ZNF385D: variants seen among roughly 807,000 people sequenced by gnomAD.
ZNF385D encodes the protein zinc finger protein 385D, also known as zinc finger protein 659.
A neutral mutation model predicts 35.8 loss-of-function variants in ZNF385D; 15 were observed. That is an observed-to-expected ratio of 0.42 (90% CI 0.28 to 0.64). The LOEUF is 0.64. Among genes scored for constraint, ZNF385D ranks in the 30% least tolerant of loss-of-function variants. The pLI is 0.23. For missense variants in ZNF385D, 474 were observed against 494.6 expected (o/e 0.96, Z 0.39); for synonymous variants, 212 against 186.8 (o/e 1.13, Z -1.10).
At chr3:21,823,969 CTATT>C (rs1359516308) in intron 3 of ZNF385D, among the ~76,000 whole-genome samples, 1 of 152,138 alleles carries the variant, frequency 6.6e-6, no homozygotes, top group African/African-American at 2.4e-5. Flanking sequence ...AATTATTACA[CTATT>C]TAATGATGCA....
intron 3 of ZNF385D, among the ~76,000 whole-genome samples, chr3:21,787,944 C>CAAAAAAAAAAAAAAA (rs560982379): frequency 6.9e-4 from 52 of 75,380 alleles, no homozygotes; most frequent in East Asian, 1.1e-3. Flanking sequence ...TTCGTCTCAA[C>CAAAAAAAAAAAAAAA]AAAAAAAAAA....
chr3:21,656,854 C>CT (rs1220290214), intron 2 of ZNF385D, among the ~76,000 whole-genome samples: 3 of 151,796 alleles, frequency 2.0e-5, no homozygotes, highest in South Asian at 2.1e-4. Context: ...ATGTCTATGT[C>CT]TAAGTGTGGA....
chr3:22,107,918 G>C (rs561250937), intron 3 of ZNF385D, among the ~76,000 whole-genome samples: 2 of 151,912 alleles, frequency 1.3e-5, no homozygotes, highest in African/African-American at 4.8e-5. Context: ...TAGGTGATTA[G>C]GCCGTGAGGA....
At chr3:22,064,560 G>A (rs1006433151) in intron 3 of ZNF385D, among the ~76,000 whole-genome samples, 1 of 152,146 alleles carries the variant, frequency 6.6e-6, no homozygotes, top group Non-Finnish European at 1.5e-5. Flanking sequence ...CAGATGAACA[G>A]ATAAAGAAAA....
chr3:22,331,131 C>G (rs1694915820), intron 2 of ZNF385D, among the ~76,000 whole-genome samples: 1 of 152,166 alleles, frequency 6.6e-6, no homozygotes, highest in African/African-American at 2.4e-5. Context: ...GATTTAAGAA[C>G]TGACTGTTCA....
chr3:21,555,022 ACAT>A (rs2125610661), intron 3 of ZNF385D, among the ~76,000 whole-genome samples: 1 of 152,324 alleles, frequency 6.6e-6, no homozygotes, highest in South Asian at 2.1e-4. Flanking sequence ...CTAGAGTAGT[ACAT>A]CTAATTACCT....
At chr3:22,182,650 A>T (rs941653790) in intron 2 of ZNF385D, among the ~76,000 whole-genome samples, 2 of 151,846 alleles carry the variant, frequency 1.3e-5, no homozygotes, top group African/African-American at 4.8e-5. Flanking sequence ...GGTAGTATTC[A>T]TTTTTCACTA....
chr3:21,837,739 GCGT>G (rs1433451494), intron 3 of ZNF385D, among the ~76,000 whole-genome samples: 1 of 151,946 alleles, frequency 6.6e-6, no homozygotes, highest in Non-Finnish European at 1.5e-5. Flanking sequence ...GGGTGTGGTG[GCGT>G]GCGCCTGTAG....
chr3:22,114,318 C>T (rs372943284), intron 3 of ZNF385D, among the ~76,000 whole-genome samples: 1 of 151,922 alleles, frequency 6.6e-6, no homozygotes, highest in East Asian at 1.9e-4. Context: ...AAATGTGATA[C>T]GTAGAAAACT....
chr3:21,521,844 T>G (rs1031358404), intron 3 of ZNF385D, among the ~76,000 whole-genome samples: 20 of 152,188 alleles, frequency 1.3e-4, no homozygotes, highest in Admixed American at 1.3e-3. Flanking sequence ...TAACTCCTTT[T>G]GCAGAGGGGT....
At chr3:22,017,438 G>A (rs1439658816) in intron 3 of ZNF385D, among the ~76,000 whole-genome samples, 1 of 151,966 alleles carries the variant, frequency 6.6e-6, no homozygotes. Context: ...TGTATCTCTT[G>A]TAAAGAAATC....
chr3:21,969,040 G>A (rs531979917), intron 3 of ZNF385D, among the ~76,000 whole-genome samples: 11 of 152,274 alleles, frequency 7.2e-5, no homozygotes, highest in Admixed American at 3.9e-4. Flanking sequence ...TGACTGAAGA[G>A]CCCTTGGGTC....
chr3:21,992,022 C>T (rs777402110), intron 3 of ZNF385D, among the ~76,000 whole-genome samples: 1 of 152,168 alleles, frequency 6.6e-6, no homozygotes, highest in Non-Finnish European at 1.5e-5. Context: ...CTTTAGCATG[C>T]TCATCTCTGG....
intron 3 of ZNF385D, among the ~76,000 whole-genome samples, chr3:21,855,818 G>C (rs1696681774): frequency 6.6e-6 from 1 of 151,976 alleles, no homozygotes; most frequent in Non-Finnish European, 1.5e-5. Context: ...GATCATGCTT[G>C]ACTCTTCATA....
intron 3 of ZNF385D, among the ~76,000 whole-genome samples, chr3:22,137,481 A>C (rs1083723): frequency 2.0e-4 from 30 of 152,254 alleles, no homozygotes; most frequent in African/African-American, 7.0e-4. Context: ...CCATGATCAA[A>C]TGGGCTTCAT....
At chr3:21,518,454 T>C (rs1707713799) in intron 3 of ZNF385D, among the ~76,000 whole-genome samples, 1 of 152,136 alleles carries the variant, frequency 6.6e-6, no homozygotes, top group African/African-American at 2.4e-5. Flanking sequence ...TACTTTTATC[T>C]CTATATTGAA....
At chr3:22,247,210 A>G (rs1313852196) in intron 2 of ZNF385D, among the ~76,000 whole-genome samples, 1 of 152,156 alleles carries the variant, frequency 6.6e-6, no homozygotes, top group African/African-American at 2.4e-5. Flanking sequence ...GTCCTTTAGA[A>G]TGTTGATTAT....
intron 4 of ZNF385D, among the ~76,000 whole-genome samples, chr3:21,443,516 A>G (rs1479917945): frequency 2.0e-5 from 3 of 152,122 alleles, no homozygotes; most frequent in Non-Finnish European, 4.4e-5. Flanking sequence ...GAGTAATAGG[A>G]CTCTAATATA....
chr3:21,854,460 A>T (rs1696594570), intron 3 of ZNF385D, among the ~76,000 whole-genome samples: 1 of 151,950 alleles, frequency 6.6e-6, no homozygotes, highest in African/African-American at 2.4e-5. Flanking sequence ...TGGGCACGCA[A>T]CCTTGGCAAT....
Sources: gnomAD v4.1 joint callset for allele counts (sites outside exome capture counted in the v4.1 genomes callset) on GRCh38, gnomAD v4.1.1 for gene constraint, MANE v1.5 for transcripts, NCBI Gene and HGNC (gene_info 2026-07-23, HGNC 2026-07-21) for gene names.